NNT: variants seen among roughly 807,000 people sequenced by gnomAD.
The protein encoded by NNT is nicotinamide nucleotide transhydrogenase.
NNT carries 50 observed loss-of-function variants against 104.8 expected under a neutral mutation model. The ratio of observed to expected loss-of-function variants is 0.48; its 90% CI spans 0.38 to 0.60. The LOEUF is 0.60. Ranked by LOEUF, NNT falls within the 20% of genes least tolerant of loss-of-function variation. NNT has a pLI of 0.00. For synonymous variants in NNT, 461 were observed against 490.4 expected (o/e 0.94, Z 0.79); for missense variants, 1,131 against 1,330.7 (o/e 0.85, Z 2.33).
chr5:43,657,307 G>T (rs1036150581), intron 16 of NNT, among the ~76,000 whole-genome samples: 1 of 152,258 alleles, frequency 6.6e-6, no homozygotes, highest in Admixed American at 6.5e-5. Context: ...TTCAGTGAAG[G>T]CTTTTATGAT....
intron 17 of NNT, 80 bp downstream of exon 17, chr5:43,659,430 C>T (rs1740236973): frequency 8.2e-7 from 1 of 1,218,134 alleles, no homozygotes; most frequent in Middle Eastern, 2.7e-4. Flanking sequence ...TTTTATTACC[C>T]ATAAAAATGA....
intron 19 of NNT, among the ~76,000 whole-genome samples, chr5:43,689,264 C>A (rs1173508535): frequency 6.6e-6 from 1 of 152,064 alleles, no homozygotes; most frequent in African/African-American, 2.4e-5. Flanking sequence ...TGCTTGAGTT[C>A]TTTGTAGATT....
intron 17 of NNT, chr5:43,666,748 C>G: frequency 8.0e-7 from 1 of 1,245,658 alleles, no homozygotes; most frequent in Admixed American, 2.2e-5. Context: ...CTTCTGTCCT[C>G]ACGTTGGCAG....
chr5:43,632,667 T>C (rs1353789709), intron 7 of NNT, among the ~76,000 whole-genome samples: 1 of 152,214 alleles, frequency 6.6e-6, no homozygotes, highest in African/African-American at 2.4e-5. Context: ...TTTGTGGTGC[T>C]GTGCACACAA....
chr5:43,644,384 G>C, intron 8 of NNT, 59 bp downstream of exon 8: 2 of 1,561,910 alleles, frequency 1.3e-6, no homozygotes, highest in African/African-American at 1.4e-5. Flanking sequence ...TTATGGGGGG[G>C]TGTTTATTTC....
At chr5:43,665,206 TTTTA>T (rs752285609) in intron 17 of NNT, among the ~76,000 whole-genome samples, 24 of 149,578 alleles carry the variant, frequency 1.6e-4, no homozygotes, top group Admixed American at 1.1e-3. Context: ...TTTTCTGGTA[TTTTA>T]TTTATTTATT....
intron 7 of NNT, among the ~76,000 whole-genome samples, chr5:43,629,791 A>G (rs1489969502): frequency 6.6e-6 from 1 of 152,020 alleles, no homozygotes; most frequent in South Asian, 2.1e-4. Context: ...ATAATTGTCT[A>G]TTCATGTCCT....
intron 17 of NNT, among the ~76,000 whole-genome samples, chr5:43,665,466 TTTAACAAA>T (rs1740593818): frequency 6.6e-6 from 1 of 152,024 alleles, no homozygotes; most frequent in Non-Finnish European, 1.5e-5. Flanking sequence ...CAAGCATCTG[TTTAACAAA>T]GCACATCTTG....
intron 7 of NNT, among the ~76,000 whole-genome samples, chr5:43,634,735 G>A (rs562508642): frequency 4.6e-5 from 7 of 152,254 alleles, no homozygotes; most frequent in African/African-American, 1.7e-4. Flanking sequence ...ACACCTCTTC[G>A]TAGCTTTCAA....
At chr5:43,688,571 TTCCTC>T (rs751402586) in intron 19 of NNT, among the ~76,000 whole-genome samples, 1 of 152,024 alleles carries the variant, frequency 6.6e-6, no homozygotes, top group Non-Finnish European at 1.5e-5. Flanking sequence ...CCCCCACCCT[TTCCTC>T]TGAGTCCCTA....
intron 19 of NNT, among the ~76,000 whole-genome samples, chr5:43,688,232 G>A (rs1742082469): frequency 6.6e-6 from 1 of 152,116 alleles, no homozygotes; most frequent in Non-Finnish European, 1.5e-5. Flanking sequence ...GGGTGGCTCA[G>A]TGTAATCACT....
rs138384132 is a variant in NNT at position 43,701,194 on chromosome 5, G to A, written c.2995+957G>A. On this transcript the variant is annotated intron_variant, in intron 20 of 21. Transcript: ENST00000344920. ...GGATGCTGAGGGTTGGAGGTAGTGA[G>A]CATAGTACCCCACAGTTTTTCAACC... Among the ~76,000 whole-genome samples, 555 of 152,220 alleles carry A rather than the reference G, an allele frequency of 3.6e-3. 8 individuals carry two copies. The highest frequency in any genetic ancestry group is 0.013 in the African/African-American group (528 of 41,556).
At chr5:43,631,405 G>A (rs561517361) in intron 7 of NNT, among the ~76,000 whole-genome samples, 66 of 152,314 alleles carry the variant, frequency 4.3e-4, no homozygotes, top group Middle Eastern at 3.4e-3. Flanking sequence ...TTTCACAGGT[G>A]GTTCTGAGGA....
chr5:43,689,289 T>C (rs1422109544), intron 19 of NNT, among the ~76,000 whole-genome samples: 3 of 152,220 alleles, frequency 2.0e-5, no homozygotes, highest in African/African-American at 7.2e-5. Context: ...ACATTAGTCT[T>C]TTGTCAGATG....
chr5:43,647,257 C>G (rs983037354), intron 10 of NNT, among the ~76,000 whole-genome samples: 2 of 152,068 alleles, frequency 1.3e-5, no homozygotes, highest in Admixed American at 6.5e-5. Context: ...CCTACTTGCA[C>G]TTATTTGTTA....
chr5:43,705,300 C>G lies in NNT; in HGVS notation c.*896C>G, dbSNP rs1021840802. The stretch of plus-strand genomic sequence containing the variant: ...AAATATTTCTGCCTGTTACAAATAT[C>G]AAGGAAGACCTGCTACTATGAAATA... On this transcript the variant is annotated 3_prime_UTR_variant, in exon 22 of 22. Coordinates refer to ENST00000344920, the MANE Select transcript of NNT (RefSeq NM_182977.3). 2 of 152,094 alleles carry G rather than the reference C, an allele frequency of 1.3e-5. No individual in the cohort carries two copies. The highest frequency in any genetic ancestry group is 2.9e-5 in the Non-Finnish European group (2 of 67,978). The allele number at this position is 152,094 out of a possible 1,614,324, so 9.4% of individuals were successfully genotyped here.
intron 17 of NNT, chr5:43,666,851 G>C (rs975815970): frequency 2.2e-5 from 32 of 1,466,946 alleles, no homozygotes; most frequent in Admixed American, 3.4e-5. Flanking sequence ...GCCTTGGTTT[G>C]ATCCTTGGCC....
intron 1 of NNT, among the ~76,000 whole-genome samples, chr5:43,603,882 G>A (rs1285414139): frequency 6.6e-6 from 1 of 152,076 alleles, no homozygotes; most frequent in Non-Finnish European, 1.5e-5. Context: ...CAAGTTTCTG[G>A]GGCCTAGGCT....
intron 2 of NNT, among the ~76,000 whole-genome samples, chr5:43,611,347 A>G (rs1749491478): frequency 6.6e-6 from 1 of 152,148 alleles, no homozygotes; most frequent in South Asian, 2.1e-4. Flanking sequence ...TGCTTAAATT[A>G]TCTCTTATTT....
Sources: allele counts gnomAD v4.1 joint callset (sites outside exome capture counted in the v4.1 genomes callset), GRCh38; gene constraint gnomAD v4.1.1; transcripts MANE v1.5; gene names NCBI Gene and HGNC (gene_info 2026-07-23, HGNC 2026-07-21).